The following RASA3 variants were observed in gnomAD, a reference collection of about 807,000 sequenced individuals.
RASA3 encodes the protein RAS p21 protein activator 3, also known as ras GTPase-activating protein 3.
Under a neutral mutation model 110.0 loss-of-function variants are expected in RASA3, and 73 were observed. The ratio of observed to expected loss-of-function variants is 0.66; its 90% CI spans 0.55 to 0.81. RASA3 has a LOEUF of 0.81. Ranked by LOEUF, RASA3 falls within the 30% of genes least tolerant of loss-of-function variation. The probability of loss-of-function intolerance (pLI) is 0.00; values close to 1 mark genes in which losing one functional copy is unlikely to be tolerated. For missense variants in RASA3, 976 were observed against 1,113.2 expected (o/e 0.88, Z 1.75); for synonymous variants, 500 against 451.4 (o/e 1.11, Z -1.37).
chr13:114,052,686 GGCCC>G (rs2079165363), intron 2 of RASA3, among the ~76,000 whole-genome samples: 8 of 147,934 alleles, frequency 5.4e-5, no homozygotes, highest in African/African-American at 1.0e-4. Context: ...CTGGGGGAGA[GGCCC>G]CCGCTGCTGA....
chr13:114,089,101 C>G (rs117812886), intron 1 of RASA3, among the ~76,000 whole-genome samples: 2,148 of 152,150 alleles, frequency 0.014, 137 homozygotes, highest in Admixed American at 0.1. Flanking sequence ...CAGCAGGGCT[C>G]TGTCCCCTAA....
chr13:114,099,307 G>A (rs954605772), intron 1 of RASA3, among the ~76,000 whole-genome samples: 1 of 152,036 alleles, frequency 6.6e-6, no homozygotes, highest in Non-Finnish European at 1.5e-5. Flanking sequence ...AGCCGGGGAC[G>A]AAGCTCCTCC....
At chr13:114,097,681 C>T (rs1216431455) in intron 1 of RASA3, among the ~76,000 whole-genome samples, 1 of 152,246 alleles carries the variant, frequency 6.6e-6, no homozygotes, top group African/African-American at 2.4e-5. Flanking sequence ...CCCAGTCCAT[C>T]TTACAGAATG....
At chr13:114,070,919 GGC>G (rs1217917041) in intron 2 of RASA3, among the ~76,000 whole-genome samples, 246 of 114,144 alleles carry the variant, frequency 2.2e-3, no homozygotes, top group African/African-American at 8.7e-3. Flanking sequence ...TTTACACGTG[GGC>G]AGGGCTGCCG....
chr13:114,101,628 C>T (rs1271099296), intron 1 of RASA3, among the ~76,000 whole-genome samples: 1 of 152,246 alleles, frequency 6.6e-6, no homozygotes, highest in African/African-American at 2.4e-5. Flanking sequence ...CAAGTCAGCC[C>T]TGTTGGTAAA....
chr13:114,022,120 C>CA (rs1162133994), intron 8 of RASA3, among the ~76,000 whole-genome samples: 1 of 152,206 alleles, frequency 6.6e-6, no homozygotes, highest in Non-Finnish European at 1.5e-5. Context: ...GGGCCATGCA[C>CA]ACCACAGCGG....
At chr13:114,020,558 G>A (rs978703157) in intron 9 of RASA3, among the ~76,000 whole-genome samples, 4 of 152,224 alleles carry the variant, frequency 2.6e-5, no homozygotes, top group African/African-American at 9.6e-5. Context: ...GCGAGGCCCC[G>A]GCACACAGTC....
intron 13 of RASA3, 97 bp downstream of exon 13, chr13:114,016,100 A>G: frequency 9.0e-7 from 1 of 1,105,670 alleles, no homozygotes; most frequent in Non-Finnish European, 1.4e-6. Flanking sequence ...TCCCACCCCA[A>G]CCGGGGTCAC....
rs573206822 is a variant in RASA3 at position 114,057,244 on chromosome 13, C to G, written c.174-5089G>C. On this transcript the variant is annotated intron_variant, in intron 2 of 23. Coordinates refer to ENST00000334062, the MANE Select transcript of RASA3 (RefSeq NM_007368.4). This position sits in a 1 kb window ranked among gnomAD's most constrained non-coding sequence, Gnocchi z 5.0. ...AAGTTATTACTAACTTTGTTTCCTGCGGGTCACCTCAAGTCTTTCAGGAAA... is the reference window on the plus strand; with the variant it reads ...AAGTTATTACTAACTTTGTTTCCTGGGGGTCACCTCAAGTCTTTCAGGAAA... 1.0e-6 allele frequency: 1 copy of G among 985,254 alleles called. No individual in the cohort carries two copies. The highest frequency in any genetic ancestry group is 1.2e-6 in the Non-Finnish European group (1 of 829,912). 61.0% of individuals were successfully genotyped at this position (985,254 alleles called of 1,614,324 possible).
In RASA3 at chr13:114,065,613, T is replaced by C. The variant is rs927551412; in HGVS notation, c.173+8107A>G. Among the ~76,000 whole-genome samples the C allele has an allele frequency of 6.6e-6, 1 of 152,094 alleles. No individual in the cohort carries two copies. Among genetic ancestry groups the C allele is most frequent in the Non-Finnish European group, 1.5e-5 (1 of 68,034 alleles). ...ACACCCATCAGAAGCACATGGCCAG[T>C]GCAGGGCCACACAGCCCTGGCTCCC... On this transcript the variant is annotated intron_variant, in intron 2 of 23. Coordinates refer to ENST00000334062, the MANE Select transcript of RASA3 (RefSeq NM_007368.4). This position sits in a 1 kb window ranked among gnomAD's most constrained non-coding sequence, Gnocchi z 4.1.
At chr13:114,103,482 C>T (rs925530262) in intron 1 of RASA3, among the ~76,000 whole-genome samples, 7 of 152,048 alleles carry the variant, frequency 4.6e-5, no homozygotes, top group Non-Finnish European at 7.4e-5. Context: ...CCGAGGAGCA[C>T]CTGACACCGG....
At chr13:114,055,551 A>G (rs1000381271) in intron 2 of RASA3, among the ~76,000 whole-genome samples, 5 of 152,270 alleles carry the variant, frequency 3.3e-5, no homozygotes, top group Admixed American at 2.6e-4. Flanking sequence ...TCAGGTGACG[A>G]GCTACTCACA....
intron 2 of RASA3, among the ~76,000 whole-genome samples, chr13:114,070,273 G>A (rs2079549340): frequency 6.6e-6 from 1 of 151,730 alleles, no homozygotes; most frequent in Non-Finnish European, 1.5e-5. Flanking sequence ...CCCAAAGTGG[G>A]TGCCACCATG....
chr13:114,050,540 G>GT lies in RASA3; in HGVS notation c.277+1511dup, dbSNP rs1484892500. 2.6e-5 allele frequency among the ~76,000 whole-genome samples: 4 copies of GT among 152,362 alleles called. No homozygotes were observed. The East Asian group carries it at 7.7e-4, about 29-fold the overall frequency. ...TGTCCGGGTCCCGACCCCTGCAATG[G>GT]TGAGGGGGCACTGGCCTTATCAATG... On this transcript the variant is annotated intron_variant, in intron 3 of 23. Transcript: ENST00000334062.
chr13:114,074,772 C>T (rs1345590696), intron 1 of RASA3, among the ~76,000 whole-genome samples: 1 of 152,218 alleles, frequency 6.6e-6, no homozygotes, highest in Non-Finnish European at 1.5e-5. Flanking sequence ...AGAAAACGCC[C>T]GTGATCCCGG....
chr13:114,117,326 CAG>C (rs1379696956), intron 1 of RASA3, among the ~76,000 whole-genome samples: 2 of 31,012 alleles, frequency 6.4e-5, no homozygotes, highest in Admixed American at 4.4e-4. Context: ...ACGTGTGTGA[CAG>C]ATGCATGTGT....
At chr13:114,093,831 T>C (rs7324462) in intron 1 of RASA3, among the ~76,000 whole-genome samples, 2,185 of 152,338 alleles carry the variant, frequency 0.014, 27 homozygotes, top group African/African-American at 0.041. Context: ...TCAGTTCTGC[T>C]ACTAATGCTC....
At chr13:113,999,487 G>A (rs1428713021) in intron 20 of RASA3, 98 bp downstream of exon 20, 9 of 922,632 alleles carry the variant, frequency 9.8e-6, no homozygotes, top group Non-Finnish European at 1.4e-5. Context: ...AGTGCAGTGG[G>A]TGGGGAAGGG....
intron 1 of RASA3, among the ~76,000 whole-genome samples, chr13:114,088,262 A>T (rs2079846574): frequency 6.6e-6 from 1 of 152,234 alleles, no homozygotes; most frequent in Admixed American, 6.5e-5. Context: ...GTGCCTTTAG[A>T]CTTAAAAAAT....
Sources: gnomAD v4.1 joint callset for allele counts (sites outside exome capture counted in the v4.1 genomes callset) on GRCh38, gnomAD v4.1.1 for gene constraint, Gnocchi (gnomAD v3.1) non-coding constraint, MANE v1.5 for transcripts, NCBI Gene and HGNC (gene_info 2026-07-23, HGNC 2026-07-21) for gene names.